The following TMEM132B variants were observed in gnomAD, a reference collection of about 807,000 sequenced individuals.
TMEM132B encodes the protein transmembrane protein 132B.
A neutral mutation model predicts 90.8 loss-of-function variants in TMEM132B; 18 were observed. The ratio of observed to expected loss-of-function variants is 0.20; its 90% confidence interval spans 0.14 to 0.29. The LOEUF is 0.29. Among genes scored for constraint, TMEM132B ranks in the 10% least tolerant of loss-of-function variants. TMEM132B has a pLI of 1.00. For synonymous variants in TMEM132B, 504 were observed against 523.3 expected, an observed-to-expected ratio of 0.96 and a Z score of 0.50; for missense variants, 1,096 against 1,326.8, an observed-to-expected ratio of 0.83 and a Z score of 2.70.
intron 3 of TMEM132B, among the ~76,000 whole-genome samples, chr12:125,452,280 C>G (rs1881174011): frequency 1.3e-5 from 2 of 152,136 alleles, no homozygotes; most frequent in African/African-American, 4.8e-5. Context: ...CTTGGGGTCA[C>G]TGAGACTGCC....
At chr12:125,285,839 T>TG (rs1875338647) in intron 1 of TMEM132B, among the ~76,000 whole-genome samples, 1 of 152,188 alleles carries the variant, frequency 6.6e-6, no homozygotes, top group African/African-American at 2.4e-5. Context: ...GAGCAGGGCC[T>TG]GGGGAGGTAG....
At chr12:125,525,285 A>T (rs922048679) in intron 4 of TMEM132B, among the ~76,000 whole-genome samples, 2 of 152,214 alleles carry the variant, frequency 1.3e-5, no homozygotes, top group African/African-American at 2.4e-5. Flanking sequence ...TTGTGGTTTG[A>T]ATGTGTCCTC....
chr12:125,308,767 T>TA (rs36114118), intron 1 of TMEM132B, among the ~76,000 whole-genome samples: 12,795 of 151,816 alleles, frequency 0.084, 603 homozygotes, highest in Non-Finnish European at 0.1. Flanking sequence ...TATTATTTTG[T>TA]AAAAAAAAGG....
At chr12:125,375,985 C>A (rs759615270) in intron 2 of TMEM132B, among the ~76,000 whole-genome samples, 2 of 152,208 alleles carry the variant, frequency 1.3e-5, no homozygotes, top group Non-Finnish European at 2.9e-5. Context: ...GTACCACTTA[C>A]TCTTGGTGCT....
intron 1 of TMEM132B, among the ~76,000 whole-genome samples, chr12:125,245,294 G>A (rs115729332): frequency 0.013 from 1,863 of 145,322 alleles, 45 homozygotes; most frequent in African/African-American, 0.046. Context: ...CAGTTCAGGA[G>A]GGAGGAAAAT....
rs1280145904 is a variant in TMEM132B at position 125,654,248 on chromosome 12, A to G, written c.2790A>G (p.Lys930=). 1.2e-6 allele frequency: 2 copies of G among 1,614,166 alleles called. No homozygotes were observed. The highest frequency in any genetic ancestry group is 1.7e-5 in the Admixed American group (1 of 60,030). ...TCAACTGCGTGGCGTTTGCCTGGAA[A>G]TACAGACACAAAAGGTTTGCTGTGA... ...FLINCVAFAW[K]YRHKRFAVSE... The change falls in exon 9 of 9, where the codon AAA becomes AAG. Residue 930 remains lysine, a synonymous_variant. Transcript: ENST00000682704. This position sits in a 1 kb window ranked among gnomAD's most constrained non-coding sequence, Gnocchi z 5.8.
At chr12:125,199,982 G>A (rs1873018448) in intron 1 of TMEM132B, among the ~76,000 whole-genome samples, 1 of 152,130 alleles carries the variant, frequency 6.6e-6, no homozygotes, top group Non-Finnish European at 1.5e-5. Flanking sequence ...CTAAAAATCC[G>A]GGTTTCTGTT....
chr12:125,588,125 C>CT (rs1190134674), intron 5 of TMEM132B: 2 of 152,128 alleles, frequency 1.3e-5, no homozygotes, highest in African/African-American at 4.8e-5. Context: ...GTAGTGAGTT[C>CT]TTTGGTTGAG....
chr12:125,571,293 G>C (rs1884790153), intron 4 of TMEM132B, among the ~76,000 whole-genome samples: 1 of 152,052 alleles, frequency 6.6e-6, no homozygotes, highest in African/African-American at 2.4e-5. Flanking sequence ...TGTAAAATGA[G>C]GATAAAAATA....
At chr12:125,377,544 T>C (rs1022910043) in intron 2 of TMEM132B, among the ~76,000 whole-genome samples, 2 of 152,086 alleles carry the variant, frequency 1.3e-5, no homozygotes, top group African/African-American at 4.8e-5. Flanking sequence ...TACTTGAGAG[T>C]GCTGTGGTGA....
chr12:125,403,607 G>A (rs1255767321), intron 2 of TMEM132B, among the ~76,000 whole-genome samples: 1 of 152,192 alleles, frequency 6.6e-6, no homozygotes, highest in African/African-American at 2.4e-5. Flanking sequence ...TTCTAACAAA[G>A]ATAATCTAAA....
chr12:125,557,253 C>T (rs2136781366), intron 4 of TMEM132B, among the ~76,000 whole-genome samples: 1 of 152,192 alleles, frequency 6.6e-6, no homozygotes, highest in Middle Eastern at 3.4e-3. Flanking sequence ...GCACTTATTA[C>T]CCAGAGTTGA....
At chr12:125,326,415 C>A in intron 1 of TMEM132B, 1 of 624,954 alleles carries the variant, frequency 1.6e-6, no homozygotes, top group Admixed American at 2.4e-5. Context: ...GAAAAAGTCA[C>A]TTGCCCTCCT....
intron 4 of TMEM132B, among the ~76,000 whole-genome samples, chr12:125,544,983 G>A (rs928057327): frequency 6.6e-6 from 1 of 152,152 alleles, no homozygotes; most frequent in Admixed American, 6.5e-5. Context: ...TACTCCTATG[G>A]GTCAAATGGC....
At position 125,653,621 on chromosome 12, in the gene TMEM132B, C is replaced by T. The variant is rs374232488; in HGVS notation, c.2163C>T (p.Asp721=). The change falls in exon 9 of 9, where the codon GAC becomes GAT. Residue 721 remains aspartate (D), a synonymous_variant. Coordinates refer to ENST00000682704, the MANE Select transcript of TMEM132B (RefSeq NM_001366854.1). ...LFSDGSVTPL[D]IYDPKDYSVT... is the part of the protein sequence containing the mutation. ...GTGATGGTTCGGTGACACCTTTAGA[C>T]ATTTACGATCCTAAGGATTATTCTG... The T allele has an allele frequency of 1.9e-6, 3 of 1,614,054 alleles. No homozygotes were observed. The highest frequency in any genetic ancestry group is 1.6e-4 in the Middle Eastern group (1 of 6,084).
In TMEM132B at chr12:125,519,535, G is replaced by A. The variant is rs760446945; in HGVS notation, c.1203G>A (p.Glu401=). The A allele has an allele frequency of 1.2e-6, 2 of 1,614,136 alleles. No homozygotes were observed. Among genetic ancestry groups the A allele is most frequent in the East Asian group, 2.2e-5 (1 of 44,862 alleles). The part of the protein sequence containing the change: ...AGAQQITWQV[E]YPIEDSMSEL... ...CCCAGCAGATTACCTGGCAGGTGGA[G>A]TACCCGATTGAGGACTCCATGAGTG... Residue 401 remains glutamate, a synonymous_variant, in exon 4 of 9, where the codon GAG becomes GAA. Coordinates refer to ENST00000682704, the MANE Select transcript of TMEM132B (RefSeq NM_001366854.1).
intron 1 of TMEM132B, among the ~76,000 whole-genome samples, chr12:125,311,328 AAATCAAAGTTAATTG>A (rs1277539772): frequency 6.6e-6 from 1 of 152,236 alleles, no homozygotes; most frequent in Non-Finnish European, 1.5e-5. Context: ...TGGTGATTTT[AAATCAAAGTTAATTG>A]GGATTTCAAT....
chr12:125,303,062 A>G (rs1459386434), intron 1 of TMEM132B, among the ~76,000 whole-genome samples: 1 of 151,922 alleles, frequency 6.6e-6, no homozygotes, highest in Non-Finnish European at 1.5e-5. Context: ...GCACCACTGC[A>G]CTCCAGCCTG....
At chr12:125,400,510 C>T (rs1351929639) in intron 2 of TMEM132B, among the ~76,000 whole-genome samples, 4 of 152,200 alleles carry the variant, frequency 2.6e-5, no homozygotes, top group Admixed American at 6.5e-5. Flanking sequence ...GTTTCCAGCC[C>T]CCTGGACAGG....
Sources: gnomAD v4.1 joint callset for allele counts (sites outside exome capture counted in the v4.1 genomes callset) on GRCh38, gnomAD v4.1.1 for gene constraint, Gnocchi (gnomAD v3.1) non-coding constraint, MANE v1.5 for transcripts, NCBI Gene and HGNC (gene_info 2026-07-23, HGNC 2026-07-21) for gene names.